The following CCDC88C variants were observed in gnomAD, a reference collection of about 807,000 sequenced individuals.
CCDC88C encodes the protein coiled-coil and HOOK domain protein 88C.
CCDC88C carries 131 observed loss-of-function variants against 198.8 expected under a neutral mutation model. That is an observed-to-expected ratio of 0.66 (90% CI 0.57 to 0.76). CCDC88C has a LOEUF of 0.76. CCDC88C is among the 30% of genes least tolerant of loss of function. CCDC88C has a pLI of 0.00. For missense variants in CCDC88C, 2,553 were observed against 2,631.6 expected, an observed-to-expected ratio of 0.97 and a Z score of 0.65; for synonymous variants, 1,166 against 1,114.7, an observed-to-expected ratio of 1.05 and a Z score of -0.92.
chr14:91,325,017 G>C lies in CCDC88C; in HGVS notation c.1198-94C>G. Reference sequence around the variant, plus strand: ...CCCTGTATAGCTACCGTCATGTGCTGTGGATGAAGATGTACTGGCTCACTT... The same window carrying C: ...CCCTGTATAGCTACCGTCATGTGCTCTGGATGAAGATGTACTGGCTCACTT... On this transcript the variant is annotated intron_variant, in intron 11 of 29. Coordinates refer to ENST00000389857, the MANE Select transcript of CCDC88C (RefSeq NM_001080414.4). This position sits in a 1 kb window ranked among gnomAD's most constrained non-coding sequence, Gnocchi z 4.1. 6.7e-7 allele frequency: 1 copy of C among 1,486,370 alleles called. No homozygotes were observed. Among genetic ancestry groups the C allele is most frequent in the Non-Finnish European group, 9.2e-7 (1 of 1,082,086 alleles). 92.1% of individuals were successfully genotyped at this position (1,486,370 alleles called of 1,614,324 possible).
At chr14:91,345,816 T>A (rs1596095400) in intron 4 of CCDC88C, among the ~76,000 whole-genome samples, 1 of 152,074 alleles carries the variant, frequency 6.6e-6, no homozygotes. Context: ...GCCTAGACGA[T>A]GGGCTTGGTC....
At chr14:91,359,753 A>C (rs1183816195) in intron 3 of CCDC88C, 42 bp from the exon 4 acceptor site, 9 of 1,537,958 alleles carry the variant, frequency 5.9e-6, no homozygotes, top group South Asian at 1.2e-5. Context: ...AAGAACCGGA[A>C]ACAAAAATAA....
chr14:91,402,347 T>C (rs774305333), intron 3 of CCDC88C, among the ~76,000 whole-genome samples: 9 of 152,208 alleles, frequency 5.9e-5, no homozygotes, highest in Non-Finnish European at 8.8e-5. Context: ...TGTCCACATT[T>C]CTTAAAGATA....
chr14:91,359,669 A>C lies in CCDC88C; in HGVS notation c.313T>G (p.Leu105Val). ...QLIVMNLPNVLMIGRDPLSGK... is the reference protein window; with the variant it reads ...QLIVMNLPNVVMIGRDPLSGK... Reference sequence around the variant, plus strand: ...GACAGTGGGTCTCTGCCAATCATCAAAACATTGGGCAAATTCATTACAATC... The same window carrying C: ...GACAGTGGGTCTCTGCCAATCATCACAACATTGGGCAAATTCATTACAATC... Residue 105 changes from leucine (L) to valine (V), a missense_variant, in exon 4 of 30, where the codon TTG becomes GTG. Leu to Val is a conservative substitution (Grantham distance 32). Transcript: ENST00000389857. The C allele has an allele frequency of 1.9e-6, 3 of 1,609,858 alleles. No individual in the cohort carries two copies. The highest frequency in any genetic ancestry group is 2.5e-6 in the Non-Finnish European group (3 of 1,178,206).
intron 27 of CCDC88C, chr14:91,281,102 A>C (rs1336366126): frequency 2.7e-5 from 13 of 476,096 alleles, no homozygotes; most frequent in Non-Finnish European, 5.4e-5. Flanking sequence ...CAGAGCTACT[A>C]TGGGCAACTG....
intron 23 of CCDC88C, 26 bp downstream of exon 23, chr14:91,294,147 G>C: frequency 6.2e-7 from 1 of 1,612,428 alleles, no homozygotes; most frequent in Non-Finnish European, 8.5e-7. Flanking sequence ...AGGGTGCGGA[G>C]AGGGGTTCAG....
chr14:91,374,512 G>A (rs754243637), intron 3 of CCDC88C, among the ~76,000 whole-genome samples: 6 of 152,120 alleles, frequency 3.9e-5, no homozygotes, highest in South Asian at 2.1e-4. Context: ...GAGGGCCCTC[G>A]ATGAATCGTC....
intron 3 of CCDC88C, chr14:91,379,095 C>A (rs1394943916): frequency 6.6e-6 from 1 of 152,250 alleles, no homozygotes; most frequent in Non-Finnish European, 1.5e-5. Context: ...GCATTCCCAC[C>A]AGCAGCTGAG....
At chr14:91,384,360 G>C (rs964594776) in intron 3 of CCDC88C, 1 of 384,368 alleles carries the variant, frequency 2.6e-6, no homozygotes, top group Admixed American at 3.1e-5. Context: ...CTTGAAAATA[G>C]GCTTGTCAAA....
intron 15 of CCDC88C, 48 bp from the exon 16 acceptor site, chr14:91,310,034 C>T: frequency 6.6e-7 from 1 of 1,510,148 alleles, no homozygotes; most frequent in South Asian, 1.2e-5. Flanking sequence ...GCAAAACACG[C>T]AGGAAGGCCA....
Position 91,308,489 on chromosome 14 carries a change from T to C in CCDC88C, c.2868A>G (p.Lys956=), listed in dbSNP as rs763057033. The C allele has an allele frequency of 3.7e-6, 6 of 1,613,702 alleles. No homozygotes were observed. The highest frequency in any genetic ancestry group is 1.1e-5 in the South Asian group (1 of 91,082). Residue 956 remains lysine (K), a synonymous_variant, in exon 17 of 30, where the codon AAA becomes AAG. Transcript: ENST00000389857. ...CATTTCTGCCCTCCAAAATCTTGTA[T>C]TTTCTGGAAAACACAAAGATACAAT... ...LQEDDSGSDT[K]YKILEGRNES... is the part of the protein sequence containing the mutation.
intron 4 of CCDC88C, among the ~76,000 whole-genome samples, chr14:91,346,033 C>T (rs749386695): frequency 5.9e-5 from 9 of 152,182 alleles, no homozygotes; most frequent in African/African-American, 9.7e-5. Flanking sequence ...ACTTAACCAA[C>T]TCACACACTG....
chr14:91,297,237 T>A (rs1891045110), intron 22 of CCDC88C, 68 bp downstream of exon 22: 8 of 1,506,092 alleles, frequency 5.3e-6, no homozygotes, highest in Non-Finnish European at 7.3e-6. Context: ...ACAGCTTGGC[T>A]GAGCCCTGGG....
chr14:91,296,546 C>T (rs1891010583), intron 22 of CCDC88C, among the ~76,000 whole-genome samples: 1 of 152,208 alleles, frequency 6.6e-6, no homozygotes, highest in Admixed American at 6.5e-5. Flanking sequence ...CTCAGGGTCC[C>T]AGGGTCTCTC....
chr14:91,330,301 A>G (rs969369528), intron 10 of CCDC88C, among the ~76,000 whole-genome samples: 1 of 152,126 alleles, frequency 6.6e-6, no homozygotes, highest in Non-Finnish European at 1.5e-5. Context: ...CGGAAGAGAG[A>G]GTGGGGCTGG....
rs544556142 is a variant in CCDC88C at position 91,339,728 on chromosome 14, A to G, written c.624+156T>C. Among the ~76,000 whole-genome samples the G allele has an allele frequency of 6.6e-6, 1 of 152,160 alleles. No individual in the cohort carries two copies. Among genetic ancestry groups the G allele is most frequent in the African/African-American group, 2.4e-5 (1 of 41,440 alleles). On this transcript the variant is annotated intron_variant, in intron 7 of 29. Coordinates refer to ENST00000389857, the MANE Select transcript of CCDC88C (RefSeq NM_001080414.4). This position sits in a 1 kb window ranked among gnomAD's most constrained non-coding sequence, Gnocchi z 5.8. ...TCCCACAGGCCCGAGGTGACCATGC[A>G]CTGCAGGGGCCGTAACCAGGGAAAG...
In CCDC88C at chr14:91,386,289, C is replaced by CAAA. The variant is rs1239070390; in HGVS notation, c.270+22367_270+22369dup. ...TGAAACCCTGTCTCTACTAAAAATA[C>CAAA]AAAAAAAAAAAAAAACAAAAACCTA... On this transcript the variant is annotated intron_variant, in intron 3 of 29. Coordinates refer to ENST00000389857, the MANE Select transcript of CCDC88C (RefSeq NM_001080414.4). Among the ~76,000 whole-genome samples the CAAA allele has an allele frequency of 1.9e-3, 206 of 106,852 alleles. 5 individuals are homozygous for CAAA. Among genetic ancestry groups the CAAA allele is most frequent in the Middle Eastern group, 9.8e-3 (2 of 204 alleles). 70.1% of individuals were successfully genotyped at this position (106,852 alleles called of 152,430 possible).
Position 91,272,576 on chromosome 14 carries a change from G to A in CCDC88C, c.*49C>T, listed in dbSNP as rs762705197. On this transcript the variant is annotated 3_prime_UTR_variant, in exon 30 of 30. Transcript: ENST00000389857. The stretch of plus-strand genomic sequence containing the variant: ...AGCAAGAGAAAAGGCCGTGAGAGTC[G>A]GAAGGCGCGTCAGTAGTTTTCAGGT... 1.8e-5 allele frequency: 28 copies of A among 1,547,692 alleles called. No homozygotes were observed. Among genetic ancestry groups the A allele is most frequent in the East Asian group, 4.6e-5 (2 of 43,874 alleles).
At chr14:91,349,217 A>G (rs1457775083) in intron 4 of CCDC88C, among the ~76,000 whole-genome samples, 1 of 152,160 alleles carries the variant, frequency 6.6e-6, no homozygotes. Context: ...GCAATCAGAA[A>G]GCTGATAAAT....
Sources: gnomAD v4.1 joint callset for allele counts (sites outside exome capture counted in the v4.1 genomes callset) on GRCh38, gnomAD v4.1.1 for gene constraint, Gnocchi (gnomAD v3.1) non-coding constraint, MANE v1.5 for transcripts, NCBI Gene and HGNC (gene_info 2026-07-23, HGNC 2026-07-21) for gene names.